Variants in ETFA observed in about 807,000 individuals in gnomAD.
ETFA encodes electron transfer flavoprotein subunit alpha, mitochondrial.
In ETFA, 22 loss-of-function variants were observed where a neutral mutation model predicts 46.2. That is an observed-to-expected ratio of 0.48 (90% confidence interval 0.34 to 0.68). ETFA has a LOEUF of 0.68. ETFA is among the 30% of genes least tolerant of loss of function. The probability of loss-of-function intolerance (pLI) is 0.01; values close to 1 mark genes in which losing one functional copy is unlikely to be tolerated. For missense variants in ETFA, 345 were observed against 401.1 expected (o/e 0.86, Z 1.19); for synonymous variants, 131 against 139.9 (o/e 0.94, Z 0.45).
chr15:76,253,882 C>T (rs370712807), intron 9 of ETFA, among the ~76,000 whole-genome samples: 43 of 152,316 alleles, frequency 2.8e-4, no homozygotes, highest in African/African-American at 9.9e-4. Flanking sequence ...CAATTCTGGG[C>T]CTCAGGACTC....
intron 7 of ETFA, chr15:76,284,909 A>T (rs760906903): frequency 2.5e-6 from 1 of 406,974 alleles, no homozygotes; most frequent in South Asian, 1.7e-5. Flanking sequence ...CAGCCTAGGC[A>T]ACAAGAGCGA....
At chr15:76,264,659 T>A (rs2039452155) in intron 9 of ETFA, among the ~76,000 whole-genome samples, 1 of 152,366 alleles carries the variant, frequency 6.6e-6, no homozygotes, top group Non-Finnish European at 1.5e-5. Flanking sequence ...GTCAAACTGC[T>A]ATTAGACACC....
chr15:76,303,543 TA>T (rs1307729581), intron 1 of ETFA, among the ~76,000 whole-genome samples: 1 of 150,928 alleles, frequency 6.6e-6, no homozygotes. Flanking sequence ...TACAGAATGG[TA>T]AAAAAAAATC....
At chr15:76,261,455 AC>A in intron 9 of ETFA, 1 of 916,810 alleles carries the variant, frequency 1.1e-6, no homozygotes, top group Non-Finnish European at 1.7e-6. Flanking sequence ...TGGACCACAG[AC>A]CCATCCTTCA....
At position 76,225,663 on chromosome 15, in the gene ETFA, A is replaced by G. The variant is rs541774048; in HGVS notation, c.963+186T>C. 2.2e-4 allele frequency among the ~76,000 whole-genome samples: 34 copies of G among 152,342 alleles called. No individual in the cohort carries two copies. In the South Asian group the frequency reaches 5.6e-3, roughly 25 times the overall value. The stretch of plus-strand genomic sequence containing the variant: ...TTATAATGCTCTATATAAACAACAC[A>G]TATCTACTCTTAGAGCAACTTAACT... On this transcript the variant is annotated intron_variant, in intron 11 of 11. Transcript: ENST00000557943.
intron 9 of ETFA, among the ~76,000 whole-genome samples, chr15:76,262,297 A>G (rs749678728): frequency 2.0e-5 from 3 of 151,872 alleles, no homozygotes; most frequent in Non-Finnish European, 4.4e-5. Context: ...TATCTAAAAC[A>G]TGTGTAACTA....
At chr15:76,249,051 A>AG (rs989767036) in intron 9 of ETFA, among the ~76,000 whole-genome samples, 2 of 152,154 alleles carry the variant, frequency 1.3e-5, no homozygotes, top group African/African-American at 4.8e-5. Context: ...AAGCACAGTG[A>AG]GATTTCATTC....
intron 9 of ETFA, among the ~76,000 whole-genome samples, chr15:76,244,405 A>G (rs117475509): frequency 6.6e-6 from 1 of 152,196 alleles, no homozygotes; most frequent in Non-Finnish European, 1.5e-5. Context: ...TGTCTCAAAT[A>G]CTATTTCCCA....
At chr15:76,303,200 C>T (rs2039898154) in intron 1 of ETFA, among the ~76,000 whole-genome samples, 1 of 152,038 alleles carries the variant, frequency 6.6e-6, no homozygotes, top group East Asian at 1.9e-4. Flanking sequence ...CCCAGCTCTT[C>T]CGAAGGCTGC....
chr15:76,226,896 T>A lies in ETFA; in HGVS notation c.883-967A>T, dbSNP rs575291474. On this transcript the variant is annotated intron_variant, in intron 10 of 11. Transcript: ENST00000557943. ...TCCGTCTCAAAAATAAATAAATAAA[T>A]AAAATAAAATACAATAGAATAAAAT... Among the ~76,000 whole-genome samples the A allele has an allele frequency of 7.0e-4, 107 of 151,856 alleles. No individual in the cohort carries two copies. The East Asian group carries it at 0.019, about 27-fold the overall frequency.
At chr15:76,249,357 A>G (rs1446568598) in intron 9 of ETFA, among the ~76,000 whole-genome samples, 3 of 150,224 alleles carry the variant, frequency 2.0e-5, no homozygotes, top group Non-Finnish European at 4.4e-5. Flanking sequence ...TGAACTCCCA[A>G]CCTCAGGTGA....
At chr15:76,231,802 A>G (rs1464224285) in intron 9 of ETFA, among the ~76,000 whole-genome samples, 1 of 152,216 alleles carries the variant, frequency 6.6e-6, no homozygotes, top group Non-Finnish European at 1.5e-5. Context: ...ACATACACAC[A>G]TTGTATATTA....
At chr15:76,241,222 T>G (rs890404081) in intron 9 of ETFA, among the ~76,000 whole-genome samples, 6 of 152,162 alleles carry the variant, frequency 3.9e-5, no homozygotes, top group African/African-American at 7.2e-5. Flanking sequence ...ATTTGAAGGC[T>G]GGGTGCAGTG....
chr15:76,227,907 C>T lies in ETFA; in HGVS notation c.883-1978G>A, dbSNP rs573762098. ...GGTATAGTCCAGGTAACTGCTAATC[C>T]AGAGAAACATGCTACACACATTAAG... On this transcript the variant is annotated intron_variant, in intron 10 of 11. Coordinates refer to ENST00000557943, the MANE Select transcript of ETFA (RefSeq NM_000126.4). 197 of 456,032 alleles carry T rather than the reference C, an allele frequency of 4.3e-4. 1 individual carries two copies. Among genetic ancestry groups the T allele is most frequent in the South Asian group, 2.7e-3 (177 of 64,556 alleles). The allele number at this position is 456,032 out of a possible 1,614,324, so 28.2% of individuals were successfully genotyped here. A position where few individuals can be genotyped will look rare whatever the true frequency, so the allele number is the denominator to read the frequency against.
At chr15:76,271,023 A>G (rs1053628736) in intron 9 of ETFA, among the ~76,000 whole-genome samples, 5 of 152,060 alleles carry the variant, frequency 3.3e-5, no homozygotes, top group African/African-American at 1.2e-4. Flanking sequence ...TACAAAAATT[A>G]GTTGGGCGGG....
At chr15:76,261,911 G>A (rs973742398) in intron 9 of ETFA, among the ~76,000 whole-genome samples, 3 of 152,184 alleles carry the variant, frequency 2.0e-5, no homozygotes, top group African/African-American at 7.2e-5. Flanking sequence ...CACTTTGAGA[G>A]GCCAAGATAG....
chr15:76,224,235 T>A (rs943137618), intron 11 of ETFA, among the ~76,000 whole-genome samples: 1 of 152,132 alleles, frequency 6.6e-6, no homozygotes, highest in African/African-American at 2.4e-5. Flanking sequence ...TGGAACATCT[T>A]AGTGGGAAAA....
intron 9 of ETFA, chr15:76,261,255 T>C: frequency 1.0e-5 from 16 of 1,570,922 alleles, no homozygotes; most frequent in Non-Finnish European, 1.3e-5. Context: ...GGGCATTGGG[T>C]GGCACTGCCA....
chr15:76,268,287 G>A (rs1331927263), intron 9 of ETFA, among the ~76,000 whole-genome samples: 1 of 151,326 alleles, frequency 6.6e-6, no homozygotes, highest in Non-Finnish European at 1.5e-5. Flanking sequence ...AAAAAACTGT[G>A]TGGGTGCCCT....
Sources: gnomAD v4.1 joint callset for allele counts (sites outside exome capture counted in the v4.1 genomes callset) on GRCh38, gnomAD v4.1.1 for gene constraint, MANE v1.5 for transcripts, NCBI Gene and HGNC (gene_info 2026-07-23, HGNC 2026-07-21) for gene names.